Variants in FOXP2 observed in about 807,000 individuals in gnomAD.
FOXP2 encodes the protein forkhead box protein P2.
Under a neutral mutation model 115.8 loss-of-function variants are expected in FOXP2, and 12 were observed. That is an observed-to-expected ratio of 0.10 (90% CI 0.07 to 0.17). FOXP2 has a LOEUF of 0.17. FOXP2 is among the 10% of genes least tolerant of loss of function. The pLI, the probability that FOXP2 is intolerant of heterozygous loss-of-function variation, is 1.00. For missense variants in FOXP2, 629 were observed against 843.5 expected (o/e 0.75, Z 3.15); for synonymous variants, 328 against 297.7 (o/e 1.10, Z -1.05).
intron 1 of FOXP2, among the ~76,000 whole-genome samples, chr7:114,144,980 G>C (rs538600472): frequency 1.3e-4 from 20 of 152,190 alleles, no homozygotes; most frequent in African/African-American, 4.8e-4. Flanking sequence ...GCTGCTAAAA[G>C]GACTCTTAAA....
intron 16 of FOXP2, among the ~76,000 whole-genome samples, chr7:114,670,539 A>C (rs1807438278): frequency 6.6e-6 from 1 of 152,068 alleles, no homozygotes; most frequent in South Asian, 2.1e-4. Flanking sequence ...TGTTGATAAT[A>C]TTTTGCCCCA....
At position 114,603,240 on chromosome 7, in the gene FOXP2, A is replaced by C. The variant is rs534339708; in HGVS notation, c.259-25300A>C. 3.3e-5 allele frequency among the ~76,000 whole-genome samples: 5 copies of C among 152,318 alleles called. No individual in the cohort carries two copies. The East Asian group carries it at 9.6e-4, about 29-fold the overall frequency. ...ATTAATTAATATCAAAACTTTACCC[A>C]CTATCATAAAACCAAAGAAAGATAC... is the stretch of plus-strand genomic sequence containing the variant. On this transcript the variant is annotated intron_variant, in intron 3 of 16. Coordinates refer to ENST00000350908, the MANE Select transcript of FOXP2 (RefSeq NM_014491.4).
intron 3 of FOXP2, among the ~76,000 whole-genome samples, chr7:114,615,526 A>G (rs776149846): frequency 3.3e-5 from 5 of 152,184 alleles, no homozygotes; most frequent in Admixed American, 6.5e-5. Flanking sequence ...TGGCTTGGAT[A>G]TTATAATACC....
At chr7:114,634,584 T>C (rs1479748570) in intron 6 of FOXP2, among the ~76,000 whole-genome samples, 1 of 151,982 alleles carries the variant, frequency 6.6e-6, no homozygotes, top group South Asian at 2.1e-4. Flanking sequence ...CTCCTAAGTA[T>C]ATGTTTGGTT....
At chr7:114,675,704 A>T (rs879386533) in intron 16 of FOXP2, among the ~76,000 whole-genome samples, 1 of 152,156 alleles carries the variant, frequency 6.6e-6, no homozygotes, top group African/African-American at 2.4e-5. Context: ...ATCTTTTTAC[A>T]GCATTTTTTT....
In FOXP2 at chr7:114,693,265, G is replaced by T. The variant is rs1368041685; in HGVS notation, c.*3339G>T. ...TCATCAGCATTCTGTGTCTACAGCT[G>T]CTTAACTTCATAAGAATGCATTTCT... is the stretch of plus-strand genomic sequence containing the variant. On this transcript the variant is annotated 3_prime_UTR_variant, in exon 17 of 17. Coordinates refer to ENST00000350908, the MANE Select transcript of FOXP2 (RefSeq NM_014491.4). The T allele has an allele frequency of 2.2e-6, 1 of 450,408 alleles. No homozygotes were observed. The highest frequency in any genetic ancestry group is 4.4e-6 in the Non-Finnish European group (1 of 224,738). 27.9% of individuals were successfully genotyped at this position (450,408 alleles called of 1,614,324 possible). A position where few individuals can be genotyped will look rare whatever the true frequency, so the allele number is the denominator to read the frequency against.
intron 3 of FOXP2, among the ~76,000 whole-genome samples, chr7:114,576,304 C>T (rs531755046): frequency 1.6e-4 from 25 of 151,902 alleles, no homozygotes; most frequent in African/African-American, 4.1e-4. Flanking sequence ...TATCTTTACA[C>T]GCCCCTCTCA....
At chr7:114,142,738 C>T (rs1044043578) in intron 1 of FOXP2, among the ~76,000 whole-genome samples, 3 of 151,946 alleles carry the variant, frequency 2.0e-5, no homozygotes, top group African/African-American at 7.3e-5. Flanking sequence ...TGTGGATTAA[C>T]TATTTATTAA....
chr7:114,479,046 T>A (rs1368750855), intron 2 of FOXP2, among the ~76,000 whole-genome samples: 2 of 151,832 alleles, frequency 1.3e-5, no homozygotes, highest in Non-Finnish European at 2.9e-5. Flanking sequence ...GGTGACCAAT[T>A]TAAAATGTAT....
intron 1 of FOXP2, among the ~76,000 whole-genome samples, chr7:114,121,154 G>GT (rs1468716065): frequency 6.6e-6 from 1 of 152,034 alleles, no homozygotes; most frequent in Non-Finnish European, 1.5e-5. Flanking sequence ...TCTTTGGGAG[G>GT]CAATTAAGTC....
At chr7:114,443,671 G>A (rs1031234070) in intron 2 of FOXP2, among the ~76,000 whole-genome samples, 12 of 152,144 alleles carry the variant, frequency 7.9e-5, no homozygotes, top group African/African-American at 2.9e-4. Context: ...AGAACATGCA[G>A]TATTTGGTTT....
chr7:114,313,969 T>C lies in FOXP2; in HGVS notation c.-11+25860T>C, dbSNP rs559729884. On this transcript the variant is annotated intron_variant, in intron 2 of 17. Coordinates refer to the FOXP2 transcript ENST00000634411. ...GCTCCATTAGTGGTTTATACATTAA[T>C]TTAGTGGATTGCAACCAGCATATTT... 7.7e-4 allele frequency among the ~76,000 whole-genome samples: 117 copies of C among 151,968 alleles called. 1 individual carries two copies. The highest frequency in any genetic ancestry group is 1.3e-3 in the Non-Finnish European group (87 of 67,958).
At chr7:114,119,159 G>A (rs781511719) in intron 1 of FOXP2, among the ~76,000 whole-genome samples, 5 of 152,066 alleles carry the variant, frequency 3.3e-5, no homozygotes, top group Admixed American at 6.6e-5. Context: ...TTAAAATACA[G>A]CATCCATTAA....
chr7:114,442,037 A>G (rs1169353878), intron 2 of FOXP2, among the ~76,000 whole-genome samples: 1 of 152,204 alleles, frequency 6.6e-6, no homozygotes, highest in Non-Finnish European at 1.5e-5. Context: ...ACTTATTTAC[A>G]TATATTTATA....
chr7:114,661,040 G>T (rs1049870641), intron 13 of FOXP2, among the ~76,000 whole-genome samples: 2 of 141,908 alleles, frequency 1.4e-5, no homozygotes, highest in Non-Finnish European at 1.5e-5. Flanking sequence ...TCAGATGCTA[G>T]ATCTGCTTAT....
At chr7:114,186,835 C>T (rs1167989915) in intron 1 of FOXP2, among the ~76,000 whole-genome samples, 1 of 152,178 alleles carries the variant, frequency 6.6e-6, no homozygotes, top group Admixed American at 6.5e-5. Context: ...TTTGCATCCT[C>T]TGGAGTGGTG....
intron 3 of FOXP2, among the ~76,000 whole-genome samples, chr7:114,554,400 A>G (rs1484231554): frequency 6.6e-6 from 1 of 152,114 alleles, no homozygotes; most frequent in African/African-American, 2.4e-5. Flanking sequence ...TTAAATGTAA[A>G]TTAGCTTTAT....
intron 2 of FOXP2, among the ~76,000 whole-genome samples, chr7:114,464,812 C>T: frequency 6.6e-6 from 1 of 152,180 alleles, no homozygotes; most frequent in Non-Finnish European, 1.5e-5. Context: ...AAAGAACCAA[C>T]CAAACAAACA....
intron 2 of FOXP2, among the ~76,000 whole-genome samples, chr7:114,517,472 C>T (rs184856295): frequency 2.0e-5 from 3 of 152,182 alleles, no homozygotes; most frequent in Non-Finnish European, 4.4e-5. Context: ...AGTTTTTTAT[C>T]TACATTTACA....
Sources: gnomAD v4.1 joint callset for allele counts (sites outside exome capture counted in the v4.1 genomes callset) on GRCh38, gnomAD v4.1.1 for gene constraint, MANE v1.5 for transcripts, NCBI Gene and HGNC (gene_info 2026-07-23, HGNC 2026-07-21) for gene names.